RETREG3: variants seen among roughly 807,000 people sequenced by gnomAD.
RETREG3 encodes the protein reticulophagy regulator family member 3.
In RETREG3, 23 loss-of-function variants were observed where a neutral mutation model predicts 50.2. That is an observed-to-expected ratio of 0.46 (90% confidence interval 0.33 to 0.65). The LOEUF (loss-of-function observed/expected upper bound fraction) is 0.65. RETREG3 is among the 30% of genes least tolerant of loss of function. The pLI, the probability that RETREG3 is intolerant of heterozygous loss-of-function variation, is 0.02. For synonymous variants in RETREG3, 240 were observed against 234.4 expected (o/e 1.02, Z -0.22); for missense variants, 546 against 598.0 (o/e 0.91, Z 0.91).
At chr17:42,591,979 A>C in intron 2 of RETREG3, 77 bp downstream of exon 2, 1 of 1,273,844 alleles carries the variant, frequency 7.9e-7, no homozygotes. Flanking sequence ...CCTCCTCATA[A>C]ACCCCTAATA....
chr17:42,587,576 G>A (rs567867909), intron 3 of RETREG3: 2 of 449,574 alleles, frequency 4.4e-6, no homozygotes, highest in South Asian at 5.9e-5. Context: ...GAATAATGCA[G>A]CTGATTCCCT....
intron 1 of RETREG3, among the ~76,000 whole-genome samples, chr17:42,601,230 T>C (rs2093157795): frequency 6.6e-6 from 1 of 151,608 alleles, no homozygotes; most frequent in Admixed American, 6.6e-5. Context: ...TGAGCTGAGA[T>C]TGTGCCACTG....
At chr17:42,591,426 C>T (rs1332881816) in intron 2 of RETREG3, among the ~76,000 whole-genome samples, 4 of 151,828 alleles carry the variant, frequency 2.6e-5, no homozygotes, top group South Asian at 2.1e-4. Context: ...CTGCAACCTC[C>T]GCCTCCCAGG....
intron 1 of RETREG3, among the ~76,000 whole-genome samples, chr17:42,597,976 GTT>G (rs869196773): frequency 2.4e-4 from 23 of 95,844 alleles, no homozygotes; most frequent in African/African-American, 3.8e-4. Flanking sequence ...TTCCTCTGAA[GTT>G]TTTTTTTTTT....
intron 1 of RETREG3, among the ~76,000 whole-genome samples, chr17:42,607,663 G>A (rs2093170625): frequency 1.3e-5 from 2 of 151,736 alleles, no homozygotes; most frequent in Non-Finnish European, 2.9e-5. Flanking sequence ...AAAATTAGCC[G>A]GTTGTGGTGG....
At chr17:42,585,994 C>T (rs1270241947) in intron 5 of RETREG3, 59 bp downstream of exon 5, 38 of 1,511,092 alleles carry the variant, frequency 2.5e-5, no homozygotes, top group Non-Finnish European at 3.3e-5. Flanking sequence ...TAGAGTTAGC[C>T]ATAGTTGGAA....
At position 42,581,445 on chromosome 17, in the gene RETREG3, A is replaced by C. The variant is rs1220220862; in HGVS notation, c.*368T>G. 2 of 185,850 alleles carry C rather than the reference A, an allele frequency of 1.1e-5. No individual in the cohort carries two copies. Among genetic ancestry groups the C allele is most frequent in the Non-Finnish European group, 2.2e-5 (2 of 90,456 alleles). 11.5% of individuals were successfully genotyped at this position (185,850 alleles called of 1,614,324 possible). ...CTCTAGAGAGGCGATGAAAGGAGGA[A>C]GGCAGGCATGGGCTCTTTCAGTGAG... On this transcript the variant is annotated 3_prime_UTR_variant, in exon 9 of 9. Coordinates refer to ENST00000309428, the MANE Select transcript of RETREG3 (RefSeq NM_178126.4).
Position 42,579,765 on chromosome 17 carries a change from A to G in RETREG3, c.*2048T>C, listed in dbSNP as rs1484159225. The G allele has an allele frequency of 6.6e-6, 1 of 152,658 alleles. No individual in the cohort carries two copies. Among genetic ancestry groups the G allele is most frequent in the East Asian group, 1.9e-4 (1 of 5,334 alleles). The allele number at this position is 152,658 out of a possible 1,614,324, so 9.5% of individuals were successfully genotyped here. A position where few individuals can be genotyped will look rare whatever the true frequency, so the allele number is the denominator to read the frequency against. ...GAGCTCTGAACTTGAGAGGTGTCAA[A>G]AGTCTGTTTGAGAAGCCTAAAGTGG... On this transcript the variant is annotated 3_prime_UTR_variant, in exon 9 of 9. Transcript: ENST00000309428.
At position 42,581,995 on chromosome 17, in the gene RETREG3, G is replaced by C; in HGVS notation, c.1219C>G (p.Gln407Glu). Reference sequence around the variant, plus strand: ...TGGGAGGCCCCTGACAAGGCCAGCTGAATCATACCCTGGGAGACCAGGCTG... The same window carrying C: ...TGGGAGGCCCCTGACAAGGCCAGCTCAATCATACCCTGGGAGACCAGGCTG... Reference protein sequence around the residue: ...LASLVSQGMIQLALSGASQPG... With the variant: ...LASLVSQGMIELALSGASQPG... The change falls in exon 9 of 9, where the codon CAG (glutamine) becomes GAG (glutamate). Residue 407 changes from glutamine (Q) to glutamate (E), a missense_variant. Transcript: ENST00000309428. 6.2e-7 allele frequency: 1 copy of C among 1,614,154 alleles called. No individual in the cohort carries two copies. Among genetic ancestry groups the C allele is most frequent in the Non-Finnish European group, 8.5e-7 (1 of 1,180,032 alleles).
intron 1 of RETREG3, among the ~76,000 whole-genome samples, chr17:42,605,499 A>G (rs1196150654): frequency 6.6e-6 from 1 of 152,186 alleles, no homozygotes; most frequent in African/African-American, 2.4e-5. Context: ...CTCATACTCA[A>G]TATGACACTA....
chr17:42,583,265 C>G (rs368199448), intron 7 of RETREG3, among the ~76,000 whole-genome samples: 1 of 152,010 alleles, frequency 6.6e-6, no homozygotes, highest in Admixed American at 6.6e-5. Context: ...AAAAGAGATA[C>G]GGAAGAGCGG....
At chr17:42,587,128 C>T (rs1158753241) in intron 3 of RETREG3, among the ~76,000 whole-genome samples, 4 of 152,158 alleles carry the variant, frequency 2.6e-5, no homozygotes, top group African/African-American at 4.8e-5. Context: ...GCCCAATCCA[C>T]GTGTGTAAAC....
chr17:42,606,886 G>A (rs986891638), intron 1 of RETREG3, among the ~76,000 whole-genome samples: 1 of 151,744 alleles, frequency 6.6e-6, no homozygotes, highest in African/African-American at 2.4e-5. Flanking sequence ...AATCCCAGCT[G>A]CTCGGGAGGC....
chr17:42,607,806 T>TAA (rs781582346), intron 1 of RETREG3, among the ~76,000 whole-genome samples: 5 of 138,044 alleles, frequency 3.6e-5, no homozygotes, highest in East Asian at 4.1e-4. Flanking sequence ...AACTCTGTCT[T>TAA]AAAAAAAAAA....
At chr17:42,598,122 C>T (rs1239333501) in intron 1 of RETREG3, among the ~76,000 whole-genome samples, 1 of 151,660 alleles carries the variant, frequency 6.6e-6, no homozygotes, top group African/African-American at 2.4e-5. Context: ...GCTGGGACTA[C>T]AGGCGCCCGC....
intron 1 of RETREG3, 117 bp downstream of exon 1, chr17:42,608,969 A>T: frequency 9.5e-7 from 1 of 1,053,876 alleles, no homozygotes; most frequent in Non-Finnish European, 1.3e-6. Flanking sequence ...AGGCAAAATT[A>T]GGCAAGTACA....
chr17:42,581,762 A>T lies in RETREG3; in HGVS notation c.*51T>A, dbSNP rs1159127856. ...CCCTTGCCCCATCACCTTAAGTGGGATGGGGAGAAAAAAACCTAAACCACA... is the reference window on the plus strand; with the variant it reads ...CCCTTGCCCCATCACCTTAAGTGGGTTGGGGAGAAAAAAACCTAAACCACA... On this transcript the variant is annotated 3_prime_UTR_variant, in exon 9 of 9. Transcript: ENST00000309428. 2.0e-6 allele frequency: 3 copies of T among 1,481,470 alleles called. No homozygotes were observed. The African/African-American group carries it at 4.2e-5, about 21-fold the overall frequency. 91.8% of individuals were successfully genotyped at this position (1,481,470 alleles called of 1,614,324 possible). A position where few individuals can be genotyped will look rare whatever the true frequency, so the allele number is the denominator to read the frequency against.
At chr17:42,595,409 T>C (rs1363874253) in intron 1 of RETREG3, among the ~76,000 whole-genome samples, 1 of 151,558 alleles carries the variant, frequency 6.6e-6, no homozygotes. Context: ...TGGCCCTTTT[T>C]TTTTTCTTCA....
intron 1 of RETREG3, among the ~76,000 whole-genome samples, chr17:42,602,533 T>G (rs1339533219): frequency 6.6e-6 from 1 of 152,192 alleles, no homozygotes; most frequent in African/African-American, 2.4e-5. Flanking sequence ...GAAAAGCTTC[T>G]TAAGTGGCTT....
Sources: allele counts gnomAD v4.1 joint callset (sites outside exome capture counted in the v4.1 genomes callset), GRCh38; gene constraint gnomAD v4.1.1; transcripts MANE v1.5; gene names NCBI Gene and HGNC (gene_info 2026-07-23, HGNC 2026-07-21).